The following CCDC77 variants were observed in gnomAD, a reference collection of about 807,000 sequenced individuals.
CCDC77 encodes coiled-coil domain-containing protein 77.
In CCDC77, 56 loss-of-function variants were observed where a neutral mutation model predicts 66.8. The ratio of observed to expected loss-of-function variants is 0.84; its 90% CI spans 0.68 to 1.05. The LOEUF (loss-of-function observed/expected upper bound fraction) is 1.05, where lower values mean the gene tolerates loss of function less well. Ranked by LOEUF, CCDC77 falls within the 50% of genes least tolerant of loss-of-function variation. CCDC77 has a pLI of 0.00. For missense variants in CCDC77, 570 were observed against 576.8 expected, an observed-to-expected ratio of 0.99 and a Z score of 0.12; for synonymous variants, 196 against 195.2, an observed-to-expected ratio of 1.00 and a Z score of -0.03.
intron 4 of CCDC77, among the ~76,000 whole-genome samples, chr12:416,365 GTGTGTGTGTGTGTATATATATATA>G (rs2137566065): frequency 2.6e-5 from 1 of 38,904 alleles, no homozygotes; most frequent in Non-Finnish European, 6.1e-5. Flanking sequence ...GTGTGTGTGT[GTGTGTGTGTGTGTATATATATATA>G]TATATATATA....
chr12:436,864 C>G, intron 9 of CCDC77: 1 of 463,800 alleles, frequency 2.2e-6, no homozygotes, highest in Non-Finnish European at 2.8e-6. Context: ...TTTTAACAAG[C>G]CTATAGTTTC....
chr12:413,039 T>C (rs1395323517), intron 4 of CCDC77, among the ~76,000 whole-genome samples: 399 of 131,526 alleles, frequency 3.0e-3, no homozygotes, highest in Middle Eastern at 0.022. Flanking sequence ...CCCGGGTTCA[T>C]GCCATTCTCC....
rs1162305082 is a variant in CCDC77 at position 423,469 on chromosome 12, T to TG, written c.413+4834dup. On this transcript the variant is annotated intron_variant, in intron 5 of 12. Transcript: ENST00000239830. ...CTTGTTATTTTCTGGGTGTTTTTTG[T>TG]GTTTTTTGTGTTTTTTTTTGTTTTG... 1.6e-4 allele frequency among the ~76,000 whole-genome samples: 9 copies of TG among 54,584 alleles called. No homozygotes were observed. The East Asian group carries it at 2.1e-3, about 13-fold the overall frequency. 35.8% of individuals were successfully genotyped at this position (54,584 alleles called of 152,430 possible).
chr12:411,205 C>T lies in CCDC77; in HGVS notation c.39-542C>T, dbSNP rs539878012. Among the ~76,000 whole-genome samples, 862 of 151,336 alleles carry T rather than the reference C, an allele frequency of 5.7e-3. 5 individuals are homozygous for T. Among genetic ancestry groups the T allele is most frequent in the Non-Finnish European group, 9.6e-3 (649 of 67,840 alleles). On this transcript the variant is annotated intron_variant, in intron 3 of 12. Transcript: ENST00000239830. Reference sequence around the variant, plus strand: ...GTTTTTTTTTTTTGAGATAGAGTCTCGCTCTGTCGCCAGGCTGGAGTGCAA... The same window carrying T: ...GTTTTTTTTTTTTGAGATAGAGTCTTGCTCTGTCGCCAGGCTGGAGTGCAA...
chr12:416,196 C>T (rs1329882051), intron 4 of CCDC77, among the ~76,000 whole-genome samples: 2 of 150,796 alleles, frequency 1.3e-5, no homozygotes, highest in African/African-American at 2.4e-5. Context: ...CCACTTTAAC[C>T]TCCCAAAGTG....
intron 5 of CCDC77, among the ~76,000 whole-genome samples, chr12:421,453 T>TA (rs767174374): frequency 1.5e-4 from 4 of 25,962 alleles, no homozygotes; most frequent in African/African-American, 5.0e-4. Context: ...AGTGAGAGGG[T>TA]AAACACACAT....
chr12:431,356 C>T (rs1229470513), intron 7 of CCDC77, among the ~76,000 whole-genome samples: 2 of 151,728 alleles, frequency 1.3e-5, no homozygotes, highest in South Asian at 2.1e-4. Flanking sequence ...GTAGCTAGGA[C>T]GACAGGCATA....
chr12:415,402 C>T (rs1945221013), intron 4 of CCDC77, among the ~76,000 whole-genome samples: 1 of 63,526 alleles, frequency 1.6e-5, no homozygotes, highest in South Asian at 6.0e-4. Flanking sequence ...ATATAATCAA[C>T]ATAATATGTT....
At chr12:405,441 A>G (rs1355199484) in intron 1 of CCDC77, 70 bp from the exon 2 acceptor site, 1 of 152,246 alleles carries the variant, frequency 6.6e-6, no homozygotes, top group Non-Finnish European at 1.5e-5. Flanking sequence ...ATTACATTCC[A>G]TAAAGCTGCT....
At chr12:394,773 A>C (rs1944805015) in intron 1 of CCDC77, among the ~76,000 whole-genome samples, 2 of 152,206 alleles carry the variant, frequency 1.3e-5, no homozygotes, top group South Asian at 4.1e-4. Flanking sequence ...ATAGAATGGA[A>C]GAAAAGCAAT....
In CCDC77 at chr12:430,661, C is replaced by T. The variant is rs1945632655; in HGVS notation, c.511-3C>T. On this transcript the variant is annotated splice_region_variant and splice_polypyrimidine_tract_variant and intron_variant, in intron 6 of 12. Transcript: ENST00000239830. ...ACTTCAATACCAGTTTTTGCTTCTT[C>T]AGGTCACCATTCTCCAAAAGACTAT... is the stretch of plus-strand genomic sequence containing the variant. 1 of 1,612,442 alleles carries T rather than the reference C, an allele frequency of 6.2e-7. No individual in the cohort carries two copies. The highest frequency in any genetic ancestry group is 8.5e-7 in the Non-Finnish European group (1 of 1,178,480).
At chr12:408,333 A>G (rs1224092990) in intron 2 of CCDC77, among the ~76,000 whole-genome samples, 2 of 152,212 alleles carry the variant, frequency 1.3e-5, no homozygotes, top group Non-Finnish European at 2.9e-5. Flanking sequence ...GGTTGCTTAA[A>G]GTACAGGAGC....
At chr12:410,706 C>T (rs570977247) in intron 3 of CCDC77, among the ~76,000 whole-genome samples, 6 of 150,696 alleles carry the variant, frequency 4.0e-5, no homozygotes, top group Admixed American at 6.7e-5. Context: ...CCACCAGGCC[C>T]GGCTAATTTT....
intron 5 of CCDC77, among the ~76,000 whole-genome samples, chr12:424,371 CTT>C (rs35694646): frequency 2.7e-4 from 39 of 142,966 alleles, no homozygotes; most frequent in Non-Finnish European, 2.9e-4. Flanking sequence ...ATTTTCTCCT[CTT>C]TTTTTTTTTT....
intron 4 of CCDC77, among the ~76,000 whole-genome samples, chr12:414,939 A>G (rs557202845): frequency 9.9e-5 from 15 of 152,262 alleles, no homozygotes; most frequent in African/African-American, 3.6e-4. Context: ...CTCTAGCAGT[A>G]CTGAAATATT....
chr12:415,840 T>C (rs1945245568), intron 4 of CCDC77, among the ~76,000 whole-genome samples: 1 of 145,640 alleles, frequency 6.9e-6, no homozygotes, highest in African/African-American at 2.6e-5. Context: ...AGTCTTGCTC[T>C]TGTCACCCAG....
chr12:437,903 T>C (rs980836587), intron 9 of CCDC77, among the ~76,000 whole-genome samples: 2 of 150,372 alleles, frequency 1.3e-5, no homozygotes, highest in Non-Finnish European at 3.0e-5. Flanking sequence ...GATTTTGATA[T>C]AGGCAGTTCT....
chr12:406,965 C>T (rs1006432516), intron 2 of CCDC77, among the ~76,000 whole-genome samples: 2 of 152,064 alleles, frequency 1.3e-5, no homozygotes, highest in African/African-American at 2.4e-5. Context: ...AAAAGTGGAA[C>T]GAGGAGACCA....
upstream of CCDC77, among the ~76,000 whole-genome samples, chr12:399,622 A>C (rs1197925588): frequency 6.6e-6 from 1 of 152,236 alleles, no homozygotes; most frequent in Non-Finnish European, 1.5e-5. Context: ...ATTGTGAGTG[A>C]GAAGTAATAT....
Sources: allele counts gnomAD v4.1 joint callset (sites outside exome capture counted in the v4.1 genomes callset), GRCh38; gene constraint gnomAD v4.1.1; transcripts MANE v1.5; gene names NCBI Gene and HGNC (gene_info 2026-07-23, HGNC 2026-07-21).